Variants in NAPEPLD observed in about 807,000 individuals in gnomAD.
NAPEPLD encodes the protein N-acyl-phosphatidylethanolamine-hydrolyzing phospholipase D.
A neutral mutation model predicts 38.1 loss-of-function variants in NAPEPLD; 23 were observed. The observed-to-expected ratio is 0.60, with a 90% CI of 0.43 to 0.86. The LOEUF (loss-of-function observed/expected upper bound fraction) is 0.86, where lower values mean the gene tolerates loss of function less well. Among genes scored for constraint, NAPEPLD ranks in the 40% least tolerant of loss-of-function variants. The probability of loss-of-function intolerance (pLI) is 0.00; values close to 1 mark genes in which losing one functional copy is unlikely to be tolerated. For missense variants in NAPEPLD, 411 were observed against 476.8 expected, an observed-to-expected ratio of 0.86 and a Z score of 1.28; for synonymous variants, 147 against 162.0, an observed-to-expected ratio of 0.91 and a Z score of 0.71.
At chr7:103,105,381 ATAG>A (rs1803102793) in intron 4 of NAPEPLD, among the ~76,000 whole-genome samples, 1 of 152,176 alleles carries the variant, frequency 6.6e-6, no homozygotes, top group Non-Finnish European at 1.5e-5. Flanking sequence ...ATATACAACA[ATAG>A]AATATATTCA....
upstream of NAPEPLD, chr7:103,149,227 CGCGGGCGCGCGGCCAGAGCG>C: frequency 1.0e-6 from 1 of 997,048 alleles, no homozygotes; most frequent in South Asian, 4.4e-5. Flanking sequence ...GATCCCGGGC[CGCGGGCGCGCGGCCAGAGCG>C]GCGGGGTGCG....
chr7:103,107,216 G>A (rs1417517402), intron 4 of NAPEPLD, among the ~76,000 whole-genome samples: 1 of 152,094 alleles, frequency 6.6e-6, no homozygotes, highest in Non-Finnish European at 1.5e-5. Context: ...TCAACAAAAA[G>A]GACGTCCACT....
chr7:103,120,261 G>GAAAAAAAAAAAAAAAA, intron 2 of NAPEPLD, 38 bp from the exon 3 acceptor site: 1 of 1,557,304 alleles, frequency 6.4e-7, no homozygotes, highest in Admixed American at 2.0e-5. Context: ...AGAGTAGTTA[G>GAAAAAAAAAAAAAAAA]AAAAAAAAGT....
At chr7:103,125,921 A>AATAATAATAATAAT (rs1193736262) in intron 2 of NAPEPLD, among the ~76,000 whole-genome samples, 5 of 141,434 alleles carry the variant, frequency 3.5e-5, no homozygotes, top group African/African-American at 1.0e-4. Flanking sequence ...TAATAATAAT[A>AATAATAATAATAAT]AATAAAAATG....
intron 1 of NAPEPLD, among the ~76,000 whole-genome samples, chr7:103,137,860 G>A (rs968792869): frequency 2.0e-5 from 3 of 149,432 alleles, no homozygotes; most frequent in African/African-American, 7.4e-5. Flanking sequence ...AAAGAAAGAA[G>A]AAAAGAAAGG....
Position 103,120,157 on chromosome 7 carries a change from T to G in NAPEPLD, c.361A>C (p.Arg121=). 1.9e-6 allele frequency: 3 copies of G among 1,614,198 alleles called. No individual in the cohort carries two copies. The highest frequency in any genetic ancestry group is 2.5e-6 in the Non-Finnish European group (3 of 1,180,036). The change falls in exon 3 of 5, where the codon AGG becomes CGG. Residue 121 remains arginine (R), a synonymous_variant. Coordinates refer to ENST00000465647, the MANE Select transcript of NAPEPLD (RefSeq NM_001122838.3). ...CATGTGACTCTTAAGCCAGCTTCCCTCACTCCAGCTTCTTCAGGGTTAGTG... is the reference window on the plus strand; with the variant it reads ...CATGTGACTCTTAAGCCAGCTTCCCGCACTCCAGCTTCTTCAGGGTTAGTG... ...FITNPEEAGV[R]EAGLRVTWLG... is the part of the protein sequence containing the mutation.
chr7:103,119,206 G>A (rs1806125479), intron 3 of NAPEPLD, among the ~76,000 whole-genome samples: 1 of 152,030 alleles, frequency 6.6e-6, no homozygotes, highest in African/African-American at 2.4e-5. Flanking sequence ...CATCATCCCT[G>A]ATTTTGAGTA....
intron 4 of NAPEPLD, among the ~76,000 whole-genome samples, 198 bp downstream of exon 4, chr7:103,114,859 GTGT>G (rs1805252465): frequency 2.9e-5 from 1 of 34,914 alleles, no homozygotes; most frequent in African/African-American, 3.6e-5. Flanking sequence ...CAATGAGGTT[GTGT>G]TGTTTTTTTT....
At chr7:103,131,057 T>A (rs1248672468) in intron 1 of NAPEPLD, among the ~76,000 whole-genome samples, 5 of 152,170 alleles carry the variant, frequency 3.3e-5, no homozygotes, top group Non-Finnish European at 7.3e-5. Context: ...TTAGAGAGTT[T>A]AAGTTACTTC....
intron 2 of NAPEPLD, among the ~76,000 whole-genome samples, chr7:103,121,109 T>C (rs1336620202): frequency 6.6e-6 from 1 of 152,174 alleles, no homozygotes; most frequent in East Asian, 1.9e-4. Flanking sequence ...TTCCTTACCT[T>C]TCTGATTTTC....
chr7:103,143,889 C>T (rs1812009553), intron 1 of NAPEPLD, among the ~76,000 whole-genome samples: 1 of 152,190 alleles, frequency 6.6e-6, no homozygotes, highest in African/African-American at 2.4e-5. Flanking sequence ...CCTTGATCAA[C>T]ACACTGCAGC....
intron 1 of NAPEPLD, among the ~76,000 whole-genome samples, chr7:103,129,824 A>G (rs1166196317): frequency 6.6e-6 from 1 of 152,182 alleles, no homozygotes; most frequent in Non-Finnish European, 1.5e-5. Flanking sequence ...GTTTATTAAG[A>G]AGACCTGTAA....
At chr7:103,139,755 G>A (rs114309988) in intron 1 of NAPEPLD, among the ~76,000 whole-genome samples, 1 of 152,052 alleles carries the variant, frequency 6.6e-6, no homozygotes, top group Non-Finnish European at 1.5e-5. Flanking sequence ...AAAAATAAAC[G>A]AACAGTGAGA....
At chr7:103,110,733 A>G (rs1457666071) in intron 4 of NAPEPLD, among the ~76,000 whole-genome samples, 2 of 152,206 alleles carry the variant, frequency 1.3e-5, no homozygotes, top group East Asian at 3.9e-4. Context: ...GGCCAGGGCA[A>G]TCAGGCAAGA....
chr7:103,130,161 T>C (rs1271837227), intron 1 of NAPEPLD, among the ~76,000 whole-genome samples: 2 of 152,212 alleles, frequency 1.3e-5, no homozygotes, highest in Non-Finnish European at 2.9e-5. Flanking sequence ...CAAATATTAT[T>C]TTTATGGCTA....
intron 1 of NAPEPLD, among the ~76,000 whole-genome samples, chr7:103,139,924 C>G (rs539163707): frequency 1.3e-5 from 2 of 152,270 alleles, no homozygotes; most frequent in South Asian, 4.1e-4. Context: ...TTTAAGATCC[C>G]TGAGTTCAAT....
chr7:103,118,299 G>A (rs995054123), intron 3 of NAPEPLD, among the ~76,000 whole-genome samples: 2 of 152,090 alleles, frequency 1.3e-5, no homozygotes, highest in Admixed American at 6.6e-5. Flanking sequence ...GGTTTTGAGA[G>A]GTTTCATTAG....
intron 2 of NAPEPLD, among the ~76,000 whole-genome samples, chr7:103,121,985 TAC>T (rs1470266171): frequency 6.6e-6 from 1 of 151,872 alleles, no homozygotes; most frequent in East Asian, 1.9e-4. Context: ...CAAGCAAAGG[TAC>T]AGAGCCAAAC....
rs981021213 is a variant in NAPEPLD at position 103,133,408 on chromosome 7, C to T, written c.-16-4616G>A. ...GGAGCAGAAGCACGTAAAACCTGAG[C>T]CTTGAAACTCTGGACTGGTTTTTCT... On this transcript the variant is annotated intron_variant, in intron 1 of 4. Transcript: ENST00000465647. Among the ~76,000 whole-genome samples, 16 of 152,324 alleles carry T rather than the reference C, an allele frequency of 1.1e-4. No individual in the cohort carries two copies. The South Asian group carries it at 2.9e-3, about 28-fold the overall frequency.
Sources: allele counts gnomAD v4.1 joint callset (sites outside exome capture counted in the v4.1 genomes callset), GRCh38; gene constraint gnomAD v4.1.1; transcripts MANE v1.5; gene names NCBI Gene and HGNC (gene_info 2026-07-23, HGNC 2026-07-21).